Variants in RBMS3 observed in about 807,000 individuals in gnomAD.
RBMS3 encodes the protein RNA binding motif single stranded interacting protein 3.
RBMS3 carries 27 observed loss-of-function variants against 66.8 expected under a neutral mutation model. That is an observed-to-expected ratio of 0.40 (90% CI 0.30 to 0.56). The LOEUF is 0.56. Among genes scored for constraint, RBMS3 ranks in the 20% least tolerant of loss-of-function variants. RBMS3 has a pLI of 0.40. For missense variants in RBMS3, 513 were observed against 549.5 expected (o/e 0.93, Z 0.66); for synonymous variants, 188 against 183.0 (o/e 1.03, Z -0.22).
intron 5 of RBMS3, among the ~76,000 whole-genome samples, chr3:29,756,116 C>T (rs1463574066): frequency 6.6e-6 from 1 of 152,130 alleles, no homozygotes; most frequent in African/African-American, 2.4e-5. Context: ...TCCATGGTTG[C>T]TGTGATGTCT....
Position 30,008,282 on chromosome 3 carries a change from A to G in RBMS3, c.*4420A>G, listed in dbSNP as rs747825276. On this transcript the variant is annotated 3_prime_UTR_variant, in exon 15 of 15. Coordinates refer to ENST00000383767, the MANE Select transcript of RBMS3 (RefSeq NM_001003793.3). ...ATAGGAGATTAAAATACATTTGGCA[A>G]TTCATTTTCATTCTTAATTTGAGTG... 8 of 152,076 alleles carry G rather than the reference A, an allele frequency of 5.3e-5. No individual in the cohort carries two copies. Among genetic ancestry groups the G allele is most frequent in the Non-Finnish European group, 8.8e-5 (6 of 67,966 alleles). 9.4% of individuals were successfully genotyped at this position (152,076 alleles called of 1,614,324 possible). A position where few individuals can be genotyped will look rare whatever the true frequency, so the allele number is the denominator to read the frequency against.
intron 7 of RBMS3, among the ~76,000 whole-genome samples, chr3:29,875,995 C>G (rs2149564256): frequency 6.6e-6 from 1 of 152,302 alleles, no homozygotes; most frequent in Non-Finnish European, 1.5e-5. Flanking sequence ...GTTCTTTTCT[C>G]AAACATAAAG....
chr3:29,943,203 T>C (rs1011147491), intron 11 of RBMS3, among the ~76,000 whole-genome samples: 3 of 151,754 alleles, frequency 2.0e-5, no homozygotes, highest in African/African-American at 4.8e-5. Flanking sequence ...AAATTTGGGA[T>C]TTTTGCTTTT....
intron 3 of RBMS3, among the ~76,000 whole-genome samples, chr3:29,559,530 A>AAAAAC: frequency 9.6e-6 from 1 of 104,478 alleles, no homozygotes; most frequent in Non-Finnish European, 1.9e-5. Flanking sequence ...AAAAAAAAAA[A>AAAAAC]AAAAAAAAAA....
intron 1 of RBMS3, among the ~76,000 whole-genome samples, chr3:29,306,758 T>G (rs988858597): frequency 6.6e-5 from 10 of 151,922 alleles, no homozygotes; most frequent in African/African-American, 1.9e-4. Flanking sequence ...AAGCTGAGGC[T>G]CTATCTGCTT....
chr3:29,759,719 C>A (rs576001526), intron 5 of RBMS3, among the ~76,000 whole-genome samples: 7 of 152,012 alleles, frequency 4.6e-5, no homozygotes, highest in Non-Finnish European at 1.0e-4. Flanking sequence ...TTCCTCCCCC[C>A]CCAGAGCTTT....
At chr3:29,980,634 T>A (rs1247624210) in intron 12 of RBMS3, among the ~76,000 whole-genome samples, 1 of 152,180 alleles carries the variant, frequency 6.6e-6, no homozygotes, top group Non-Finnish European at 1.5e-5. Context: ...GGGGTCCAGT[T>A]TCAGTTTTCT....
chr3:29,862,336 A>G (rs1056067238), intron 6 of RBMS3, among the ~76,000 whole-genome samples: 6 of 152,174 alleles, frequency 3.9e-5, no homozygotes, highest in African/African-American at 1.4e-4. Flanking sequence ...CATCACTTTC[A>G]TGTATTATCT....
intron 1 of RBMS3, among the ~76,000 whole-genome samples, chr3:29,343,162 C>T (rs368661254): frequency 6.6e-6 from 1 of 152,026 alleles, no homozygotes; most frequent in South Asian, 2.1e-4. Context: ...TAAGGAAGAG[C>T]TTCCATGCGT....
Position 29,426,415 on chromosome 3 carries a change from T to C in RBMS3, c.76-8328T>C, listed in dbSNP as rs555969187. On this transcript the variant is annotated intron_variant, in intron 1 of 14. Coordinates refer to ENST00000383767, the MANE Select transcript of RBMS3 (RefSeq NM_001003793.3). ...TCCAAGTACCATGAATTTTAAAATG[T>C]CATTTAATATCTAAGCCTCTGAATA... is the stretch of plus-strand genomic sequence containing the variant. Among the ~76,000 whole-genome samples the C allele has an allele frequency of 2.0e-5, 3 of 152,364 alleles. No individual in the cohort carries two copies. The East Asian group carries it at 5.8e-4, about 29-fold the overall frequency.
intron 3 of RBMS3, among the ~76,000 whole-genome samples, chr3:29,526,905 T>C (rs1378072704): frequency 2.0e-5 from 3 of 152,014 alleles, no homozygotes; most frequent in Admixed American, 6.6e-5. Context: ...TCTCTTTTCA[T>C]GCTAAGCATT....
chr3:29,330,508 G>T (rs142225781), intron 1 of RBMS3, among the ~76,000 whole-genome samples: 1 of 137,400 alleles, frequency 7.3e-6, no homozygotes, highest in Non-Finnish European at 1.5e-5. Context: ...CTGGAATAGC[G>T]GGATAGCTTA....
At chr3:29,341,536 T>C (rs1389308738) in intron 1 of RBMS3, among the ~76,000 whole-genome samples, 1 of 152,172 alleles carries the variant, frequency 6.6e-6, no homozygotes, top group African/African-American at 2.4e-5. Flanking sequence ...ATATAATAAA[T>C]ATTCAATTTG....
chr3:29,821,677 A>G (rs1373337911), intron 6 of RBMS3, among the ~76,000 whole-genome samples: 4 of 152,202 alleles, frequency 2.6e-5, no homozygotes, highest in Non-Finnish European at 4.4e-5. Flanking sequence ...TCTGGAAAGT[A>G]CAACGAATAA....
chr3:29,717,849 C>T (rs983294420), intron 4 of RBMS3, among the ~76,000 whole-genome samples: 6 of 152,054 alleles, frequency 3.9e-5, no homozygotes, highest in Non-Finnish European at 5.9e-5. Flanking sequence ...CATTATGCCC[C>T]GTGGCTTTTC....
intron 3 of RBMS3, among the ~76,000 whole-genome samples, chr3:29,508,600 T>C (rs137888973): frequency 7.5e-4 from 114 of 152,300 alleles, no homozygotes; most frequent in African/African-American, 2.6e-3. Flanking sequence ...CAGTCTATCA[T>C]TGATGGGCAT....
intron 10 of RBMS3, among the ~76,000 whole-genome samples, chr3:29,908,484 T>TGG (rs2060438698): frequency 6.6e-6 from 1 of 152,148 alleles, no homozygotes; most frequent in Non-Finnish European, 1.5e-5. Context: ...GTAAAAATAA[T>TGG]CAGTTGCCAA....
At chr3:29,946,308 A>G (rs879189554) in intron 12 of RBMS3, among the ~76,000 whole-genome samples, 6 of 151,730 alleles carry the variant, frequency 4.0e-5, no homozygotes, top group Admixed American at 2.0e-4. Context: ...AAATCTTCCA[A>G]TATGTCAATA....
At chr3:29,714,018 G>A (rs2053283770) in intron 4 of RBMS3, among the ~76,000 whole-genome samples, 1 of 151,996 alleles carries the variant, frequency 6.6e-6, no homozygotes, top group Admixed American at 6.6e-5. Flanking sequence ...TTGTACCACT[G>A]TACTCCAGCC....
Sources: allele counts gnomAD v4.1 joint callset (sites outside exome capture counted in the v4.1 genomes callset), GRCh38; gene constraint gnomAD v4.1.1; transcripts MANE v1.5; gene names NCBI Gene and HGNC (gene_info 2026-07-23, HGNC 2026-07-21).